The following ELMO3 variants were observed in gnomAD, a reference collection of about 807,000 sequenced individuals.
The protein encoded by ELMO3 is engulfment and cell motility 3, also known as engulfment and cell motility protein 3.
Under a neutral mutation model 89.0 loss-of-function variants are expected in ELMO3, and 81 were observed. That is an observed-to-expected ratio of 0.91 (90% CI 0.76 to 1.09). ELMO3 has a LOEUF of 1.09. Ranked by LOEUF, ELMO3 falls within the 50% of genes least tolerant of loss-of-function variation. ELMO3 has a pLI of 0.00. For missense variants in ELMO3, 959 were observed against 972.8 expected (o/e 0.99, Z 0.19); for synonymous variants, 406 against 400.6 (o/e 1.01, Z -0.16).
rs765423113 is a variant in ELMO3, at chr16:67,202,384, C to A, written c.1262-13C>A. ...CACTTTCTCCCTGAGCCCCTCCTGCCCCCCCACTCCAGGCTCTGAGACAGC... is the reference window on the plus strand; with the variant it reads ...CACTTTCTCCCTGAGCCCCTCCTGCACCCCCACTCCAGGCTCTGAGACAGC... On this transcript the variant is annotated splice_polypyrimidine_tract_variant and intron_variant, in intron 13 of 19. Coordinates refer to ENST00000393997, the MANE Select transcript of ELMO3 (RefSeq NM_024712.5). The A allele has an allele frequency of 4.3e-6, 7 of 1,613,612 alleles. No homozygotes were observed. The East Asian group carries it at 1.3e-4, about 31-fold the overall frequency.
Position 67,202,893 on chromosome 16 carries a change from G to A in ELMO3, c.1564G>A (p.Glu522Lys). 6.2e-7 allele frequency: 1 copy of A among 1,612,934 alleles called. No homozygotes were observed. The highest frequency in any genetic ancestry group is 1.3e-5 in the African/African-American group (1 of 75,048). ...TGCTCAGTGACACCCCTCTATCAGGGAGCTGCGGGAGAAGCTGAAGCCAGA... is the reference window on the plus strand; with the variant it reads ...TGCTCAGTGACACCCCTCTATCAGGAAGCTGCGGGAGAAGCTGAAGCCAGA... Reference protein sequence around the residue: ...QEGTLAPPILELREKLKPELM... With the variant: ...QEGTLAPPILKLREKLKPELM... Residue 522 changes from glutamate (E) to lysine (K), a missense_variant and splice_region_variant, in exon 16 of 20, where the codon GAG (glutamate) becomes AAG (lysine). Glu to Lys is a moderately conservative substitution (Grantham distance 56). Transcript: ENST00000393997.
rs774764679 is a variant in ELMO3, at chr16:67,200,965, CA to C, written c.743del (p.Lys248SerfsTer84). On this transcript the variant is annotated frameshift_variant and splice_region_variant, in exon 8 of 20. Transcript: ENST00000393997. LOFTEE classifies it high-confidence loss of function. ...TGCAGGGGGCCAGCCCTGTGGAACG[CA>C]AGGTGAGTGTCGATCGGTGGCTAGA... Reference protein sequence around the residue: ...LLQGASPVERKHMLDYLWQRN... With the variant: ...LLQGASPVERXHMLDYLWQRN... 2 of 1,603,178 alleles carry C rather than the reference CA, an allele frequency of 1.2e-6. No homozygotes were observed. Among genetic ancestry groups the C allele is most frequent in the South Asian group, 2.2e-5 (2 of 89,670 alleles).
Position 67,199,542 on chromosome 16 carries a change from T to A in ELMO3, c.79-11T>A, listed in dbSNP as rs375053500. The A allele has an allele frequency of 4.6e-5, 65 of 1,427,780 alleles. No individual in the cohort carries two copies. In the African/African-American group the frequency reaches 9.7e-4, roughly 21 times the overall value. 88.4% of individuals were successfully genotyped at this position (1,427,780 alleles called of 1,614,324 possible). Reference sequence around the variant, plus strand: ...CTGCCCAGGCCGCGAGAATGACCACTCCACTTGCAGGCGAAGCCCCTGGCC... The same window carrying A: ...CTGCCCAGGCCGCGAGAATGACCACACCACTTGCAGGCGAAGCCCCTGGCC... On this transcript the variant is annotated splice_polypyrimidine_tract_variant and intron_variant, in intron 1 of 19. Transcript: ENST00000393997.
Position 67,203,071 on chromosome 16 carries a change from G to C in ELMO3, c.1676-48G>C. On this transcript the variant is annotated intron_variant, in intron 16 of 19. Transcript: ENST00000393997. The surrounding 1 kb of genome is among the most constrained non-coding windows in gnomAD (Gnocchi z 4.6). ...GGGCAGGCAGAGGGCGGCTGGCTTG[G>C]TGTCAGGACCTCTCAGCACTCTGGC... 1 of 1,595,936 alleles carries C rather than the reference G, an allele frequency of 6.3e-7. No homozygotes were observed. Among genetic ancestry groups the C allele is most frequent in the Non-Finnish European group, 8.5e-7 (1 of 1,172,818 alleles).
chr16:67,200,736 T>G lies in ELMO3; in HGVS notation c.593T>G (p.Leu198Trp). The G allele has an allele frequency of 6.2e-7, 1 of 1,613,590 alleles. No individual in the cohort carries two copies. Among genetic ancestry groups the G allele is most frequent in the Non-Finnish European group, 8.5e-7 (1 of 1,179,974 alleles). The change falls in exon 7 of 20, where the codon TTG becomes TGG. Residue 198 changes from leucine (L) to tryptophan (W), a missense_variant. By Grantham distance (61) the Leu-to-Trp change is moderately conservative. Coordinates refer to ENST00000393997, the MANE Select transcript of ELMO3 (RefSeq NM_024712.5). ...LALGLLESVT[L>W]SSPALGQLVK... Reference sequence around the variant, plus strand: ...CTTGGGCTGCTGGAGAGTGTGACCTTGAGCAGCCCAGCCCTGGGCCAGCTG... The same window carrying G: ...CTTGGGCTGCTGGAGAGTGTGACCTGGAGCAGCCCAGCCCTGGGCCAGCTG...
Position 67,201,528 on chromosome 16 carries a change from C to A in ELMO3, c.804C>A (p.Ile268=), listed in dbSNP as rs750777098. Residue 268 remains isoleucine (I), a synonymous_variant, in exon 10 of 20, where the codon ATC becomes ATA. Coordinates refer to ENST00000393997, the MANE Select transcript of ELMO3 (RefSeq NM_024712.5). ...NLRQFIYKNI[I]HSAAPMGDEM... ...GACTGGCTGTCCTGCAGAACATCAT[C>A]CACAGTGCAGCACCAATGGGCGACG... 1 of 1,614,100 alleles carries A rather than the reference C, an allele frequency of 6.2e-7. No homozygotes were observed. Among genetic ancestry groups the A allele is most frequent in the South Asian group, 1.1e-5 (1 of 91,090 alleles).
rs753590746 is a variant in ELMO3, at chr16:67,202,936, G to A, written c.1607G>A (p.Arg536His). The A allele has an allele frequency of 1.2e-5, 20 of 1,610,592 alleles. No individual in the cohort carries two copies. The highest frequency in any genetic ancestry group is 1.1e-4 in the African/African-American group (8 of 74,834). The change falls in exon 16 of 20, where the codon CGC becomes CAC. Residue 536 changes from arginine to histidine, a missense_variant. By Grantham distance (29) the Arg-to-His change is conservative (BLOSUM62 0). Transcript: ENST00000393997. ...KLKPELMGLIRQQRLLRLCEG... is the reference protein window; with the variant it reads ...KLKPELMGLIHQQRLLRLCEG... ...AAGCCAGAGCTCATGGGCCTGATCC[G>A]CCAGCAGCGCTTGCTCCGCCTCTGT...
At position 67,203,711 on chromosome 16, in the gene ELMO3, TG is replaced by T; in HGVS notation, c.2000del (p.Gly667AlafsTer13). 6.2e-7 allele frequency: 1 copy of T among 1,613,710 alleles called. No homozygotes were observed. The highest frequency in any genetic ancestry group is 8.5e-7 in the Non-Finnish European group (1 of 1,179,996). ...CTCAGTGCCTTGCTGGGCAGTCCCA[TG>T]GGCAGCGAGCAGACACGGCTGGACC... ...DGLSALLGSP[M>X]GSEQTRLDLE... On this transcript the variant is annotated frameshift_variant, in exon 20 of 20. Coordinates refer to ENST00000393997, the MANE Select transcript of ELMO3 (RefSeq NM_024712.5). LOFTEE classifies it high-confidence loss of function. The surrounding 1 kb of genome is among the most constrained non-coding windows in gnomAD (Gnocchi z 4.6).
rs772706041 is a variant in ELMO3 at position 67,200,646 on chromosome 16, G to A, written c.514-11G>A. On this transcript the variant is annotated splice_polypyrimidine_tract_variant and intron_variant, in intron 6 of 19. Transcript: ENST00000393997. ...ATGGGGGTGAGGTGGTGACACCCCC[G>A]CCCCTTACAGGTGGTGTGCTACGTG... The A allele has an allele frequency of 1.7e-5, 28 of 1,610,524 alleles. No individual in the cohort carries two copies. The highest frequency in any genetic ancestry group is 2.2e-5 in the South Asian group (2 of 91,040).
rs1223633595 is a variant in ELMO3, at chr16:67,200,286, A to G, written c.338A>G (p.Asp113Gly). 3 of 1,613,834 alleles carry G rather than the reference A, an allele frequency of 1.9e-6. No homozygotes were observed. Reference sequence around the variant, plus strand: ...AGGCGCCTTGTTCCGCTGGCCTCGGACATGATCTTTGCCAGGGAGGTCATC... The same window carrying G: ...AGGCGCCTTGTTCCGCTGGCCTCGGGCATGATCTTTGCCAGGGAGGTCATC... ...ALRRLVPLAS[D>G]MIFAREVISR... The change falls in exon 5 of 20, where the codon GAC (aspartate) becomes GGC (glycine). Residue 113 changes from aspartate (D) to glycine (G), a missense_variant. Transcript: ENST00000393997.
chr16:67,203,970 T>C lies in ELMO3; in HGVS notation c.*93T>C. The stretch of plus-strand genomic sequence containing the variant: ...GTGCAGGCACCCTGACCAGCAGAGA[T>C]TGCTGCAGAAATAAAGTCTGCTTGG... On this transcript the variant is annotated 3_prime_UTR_variant, in exon 20 of 20. Transcript: ENST00000393997. This position sits in a 1 kb window ranked among gnomAD's most constrained non-coding sequence, Gnocchi z 4.6. 1.8e-6 allele frequency: 2 copies of C among 1,131,054 alleles called. No individual in the cohort carries two copies. The highest frequency in any genetic ancestry group is 2.4e-6 in the Non-Finnish European group (2 of 817,408). 70.1% of individuals were successfully genotyped at this position (1,131,054 alleles called of 1,614,324 possible).
intron 13 of ELMO3, 34 bp from the exon 14 acceptor site, chr16:67,202,363 T>TTC: frequency 6.2e-7 from 1 of 1,613,538 alleles, no homozygotes; most frequent in Non-Finnish European, 8.5e-7. Flanking sequence ...TGTATGCACT[T>TTC]TCTCCCTGAG....
rs376860346 is a variant in ELMO3, at chr16:67,199,325, C to T, written c.-2C>T. 3.7e-6 allele frequency: 6 copies of T among 1,612,284 alleles called. No homozygotes were observed. The highest frequency in any genetic ancestry group is 5.1e-6 in the Non-Finnish European group (6 of 1,179,850). ...TGCAGGCGCCCACGTCCCAGCTGGA[C>T]CATGGCGCCTCCGCGGAACGTGGTG... On this transcript the variant is annotated 5_prime_UTR_variant, in exon 1 of 20. Coordinates refer to ENST00000393997, the MANE Select transcript of ELMO3 (RefSeq NM_024712.5).
At position 67,199,248 on chromosome 16, in the gene ELMO3, G is replaced by C. The variant is rs775804840; in HGVS notation, c.-79G>C. 8 of 1,611,504 alleles carry C rather than the reference G, an allele frequency of 5.0e-6. No homozygotes were observed. The highest frequency in any genetic ancestry group is 6.8e-6 in the Non-Finnish European group (8 of 1,179,500). On this transcript the variant is annotated 5_prime_UTR_variant, in exon 1 of 20. Coordinates refer to ENST00000393997, the MANE Select transcript of ELMO3 (RefSeq NM_024712.5). ...GAAAGGGAGGACCTCCTCGTCCCCA[G>C]GGGCCCCAGGCCAGGTGCACCCTTG...
Position 67,200,463 on chromosome 16 carries a change from G to A in ELMO3, c.426G>A (p.Val142=). Residue 142 remains valine, a synonymous_variant, in exon 6 of 20, where the codon GTG becomes GTA. Transcript: ENST00000393997. ...GTCCCCCCTCCAGCCTAGGAGAGGT[G>A]CTGGCCCTCAGCCTGAGGGCCTTCT... The part of the protein sequence containing the change: ...IIEDGDDLGE[V]LALSLRAFSE... The A allele has an allele frequency of 6.2e-7, 1 of 1,613,316 alleles. No individual in the cohort carries two copies. Among genetic ancestry groups the A allele is most frequent in the African/African-American group, 1.3e-5 (1 of 75,012 alleles).
Position 67,203,769 on chromosome 16 carries a change from G to T in ELMO3, c.2055G>T (p.Leu685=), listed in dbSNP as rs2033183262. 6.2e-7 allele frequency: 1 copy of T among 1,613,066 alleles called. No individual in the cohort carries two copies. Among genetic ancestry groups the T allele is most frequent in the African/African-American group, 1.3e-5 (1 of 74,926 alleles). Residue 685 remains leucine (L), a synonymous_variant, in exon 20 of 20, where the codon CTG becomes CTT. Transcript: ENST00000393997. The surrounding 1 kb of genome is among the most constrained non-coding windows in gnomAD (Gnocchi z 4.6). ...AGCTGCTGACCATGGAGACCAAGCT[G>T]CGTCTGCTGGAGCTGGAGAACGTGC... is the stretch of plus-strand genomic sequence containing the variant. ...LEQLLTMETK[L]RLLELENVPI...
chr16:67,199,956 C>A lies in ELMO3; in HGVS notation c.198C>A (p.Arg66=). 6.2e-7 allele frequency: 1 copy of A among 1,613,966 alleles called. No individual in the cohort carries two copies. Among genetic ancestry groups the A allele is most frequent in the East Asian group, 2.2e-5 (1 of 44,886 alleles). ...GHRRYITENN[R]AEIKNGSILC... ...TTTTCTGCTGTCTTCTCCAGAACCG[C>A]GCGGAGATCAAGAATGGCAGCATCC... is the stretch of plus-strand genomic sequence containing the variant. Residue 66 remains arginine (R), a synonymous_variant, in exon 4 of 20, where the codon CGC becomes CGA. Transcript: ENST00000393997.
Position 67,203,444 on chromosome 16 carries a change from G to T in ELMO3, c.1863+35G>T, listed in dbSNP as rs888378031. On this transcript the variant is annotated intron_variant, in intron 18 of 19. Transcript: ENST00000393997. The surrounding 1 kb of genome is among the most constrained non-coding windows in gnomAD (Gnocchi z 4.6). The stretch of plus-strand genomic sequence containing the variant: ...GCGGGCCAGGGGCTCCTTCCCACCC[G>T]CCCCCGCCTACCCTGTCCCCTGCTC... 1 of 911,638 alleles carries T rather than the reference G, an allele frequency of 1.1e-6. No homozygotes were observed. Among genetic ancestry groups the T allele is most frequent in the Non-Finnish European group, 1.7e-6 (1 of 573,662 alleles). 56.5% of individuals were successfully genotyped at this position (911,638 alleles called of 1,614,324 possible).
chr16:67,201,806 G>T lies in ELMO3; in HGVS notation c.983G>T (p.Gly328Val), dbSNP rs201796351. 100 of 1,612,072 alleles carry T rather than the reference G, an allele frequency of 6.2e-5. 1 individual carries two copies. The African/African-American group carries it at 1.1e-3, about 17-fold the overall frequency. Residue 328 changes from glycine to valine, a missense_variant, in exon 11 of 20, where the codon GGT (glycine) becomes GTT (valine). Physicochemically the swap from Gly to Val is moderately radical, Grantham distance 109. Coordinates refer to ENST00000393997, the MANE Select transcript of ELMO3 (RefSeq NM_024712.5). ...TTCGAGGTGGAGGGGGAGTCCTCGG[G>T]TGCCGGGCTAAGTGCTGACCGTCGC... ...AAFEVEGESS[G>V]AGLSADRRRS...
Sources: allele counts gnomAD v4.1 joint callset, GRCh38; gene constraint gnomAD v4.1.1; non-coding constraint Gnocchi (gnomAD v3.1); transcripts MANE v1.5; gene names NCBI Gene and HGNC (gene_info 2026-07-23, HGNC 2026-07-21).